Variants in COMMD2 observed in about 807,000 individuals in gnomAD.
COMMD2 encodes COMM domain containing 2, also known as COMM domain-containing protein 2.
In COMMD2, 25 loss-of-function variants were observed where a neutral mutation model predicts 22.5. That is an observed-to-expected ratio of 1.11 (90% CI 0.81 to 1.55). The LOEUF is 1.55. Ranked by LOEUF, COMMD2 falls within the 40% of genes most tolerant of loss-of-function variation. The pLI is 0.00. For missense variants in COMMD2, 223 were observed against 232.9 expected (o/e 0.96, Z 0.28); for synonymous variants, 98 against 91.2 (o/e 1.07, Z -0.42).
At chr3:149,743,488 A>T (rs896786755) in intron 4 of COMMD2, among the ~76,000 whole-genome samples, 2 of 152,208 alleles carry the variant, frequency 1.3e-5, no homozygotes, top group African/African-American at 4.8e-5. Context: ...AGATTTCAGG[A>T]TTAATTTAAT....
intron 4 of COMMD2, among the ~76,000 whole-genome samples, chr3:149,742,099 CTGATT>C (rs1401782031): frequency 6.6e-6 from 1 of 151,884 alleles, no homozygotes; most frequent in Non-Finnish European, 1.5e-5. Context: ...GTGAACTCCT[CTGATT>C]TAATAAGAAA....
intron 2 of COMMD2, chr3:149,751,737 T>A (rs1374950250): frequency 3.1e-6 from 1 of 322,974 alleles, no homozygotes; most frequent in African/African-American, 2.1e-5. Flanking sequence ...GCCCTTCTCT[T>A]GAATACGTAG....
In COMMD2 at chr3:149,739,664, A is replaced by AT. The variant is rs1716157467; in HGVS notation, c.*1856dup. ...GACAAATAAAAACCCTTACAGAGGTATTTTTTATCATATGTTTTGCAGGCA... is the reference window on the plus strand; with the variant it reads ...GACAAATAAAAACCCTTACAGAGGTATTTTTTTATCATATGTTTTGCAGGCA... On this transcript the variant is annotated 3_prime_UTR_variant, in exon 5 of 5. Coordinates refer to ENST00000473414, the MANE Select transcript of COMMD2 (RefSeq NM_016094.4). 6.6e-6 allele frequency: 1 copy of AT among 152,170 alleles called. No individual in the cohort carries two copies. The highest frequency in any genetic ancestry group is 1.5e-5 in the Non-Finnish European group (1 of 68,022). 9.4% of individuals were successfully genotyped at this position (152,170 alleles called of 1,614,324 possible).
rs1208869835 is a variant in COMMD2 at position 149,741,704 on chromosome 3, A to T, written c.417T>A (p.Ser139Arg). The T allele has an allele frequency of 3.7e-6, 6 of 1,613,438 alleles. No individual in the cohort carries two copies. Among genetic ancestry groups the T allele is most frequent in the Non-Finnish European group, 5.1e-6 (6 of 1,179,630 alleles). ...CTGCTGGTTTAATCTGTTGCCTGAG[A>T]CTTCTACTTGCAAGCTTGATTTTAA... is the stretch of plus-strand genomic sequence containing the variant. ...WRLDVQLASR[S>R]LRQQIKPAVT... The change falls in exon 5 of 5, where the codon AGT becomes AGA. Residue 139 changes from serine (S) to arginine (R), a missense_variant. By Grantham distance (110) the Ser-to-Arg change is moderately radical (BLOSUM62 -1). Coordinates refer to ENST00000473414, the MANE Select transcript of COMMD2 (RefSeq NM_016094.4).
rs1318039558 is a variant in COMMD2, at chr3:149,740,031, G to A, written c.*1490C>T. 1 of 152,156 alleles carries A rather than the reference G, an allele frequency of 6.6e-6. No individual in the cohort carries two copies. The highest frequency in any genetic ancestry group is 1.9e-4 in the East Asian group (1 of 5,194). The allele number at this position is 152,156 out of a possible 1,614,324, so 9.4% of individuals were successfully genotyped here. A position where few individuals can be genotyped will look rare whatever the true frequency, so the allele number is the denominator to read the frequency against. On this transcript the variant is annotated 3_prime_UTR_variant, in exon 5 of 5. Transcript: ENST00000473414. ...AAATCCCTAATTCTTACGAAGCAAA[G>A]TATTGACAAAGTCTAGAGCGCAGTT... is the stretch of plus-strand genomic sequence containing the variant.
In COMMD2 at chr3:149,740,736, C is replaced by T. The variant is rs1200223051; in HGVS notation, c.*785G>A. The stretch of plus-strand genomic sequence containing the variant: ...AAAATACTGAACTGTTTAGAAAATT[C>T]TGCATAGTAGTAGTATTACATTGTG... On this transcript the variant is annotated 3_prime_UTR_variant, in exon 5 of 5. Coordinates refer to ENST00000473414, the MANE Select transcript of COMMD2 (RefSeq NM_016094.4). 6.6e-6 allele frequency: 1 copy of T among 152,058 alleles called. No homozygotes were observed. The highest frequency in any genetic ancestry group is 1.5e-5 in the Non-Finnish European group (1 of 68,004). The allele number at this position is 152,058 out of a possible 1,614,324, so 9.4% of individuals were successfully genotyped here.
intron 4 of COMMD2, among the ~76,000 whole-genome samples, chr3:149,749,533 T>C (rs1716471294): frequency 6.6e-6 from 1 of 152,184 alleles, no homozygotes; most frequent in South Asian, 2.1e-4. Context: ...AATCTCTGGG[T>C]ATAACACACA....
intron 4 of COMMD2, among the ~76,000 whole-genome samples, chr3:149,746,921 G>A (rs1255059613): frequency 6.6e-6 from 1 of 152,334 alleles, no homozygotes; most frequent in East Asian, 1.9e-4. Context: ...AACGCCAGAT[G>A]AAGGAGGAAG....
chr3:149,749,196 G>A (rs748406188), intron 4 of COMMD2, among the ~76,000 whole-genome samples: 1 of 152,020 alleles, frequency 6.6e-6, no homozygotes, highest in Non-Finnish European at 1.5e-5. Context: ...TGTATTTTTG[G>A]TAAAGACAGG....
At chr3:149,741,800 T>A in intron 4 of COMMD2, 82 bp from the exon 5 acceptor site, 1 of 1,091,344 alleles carries the variant, frequency 9.2e-7, no homozygotes, top group African/African-American at 1.6e-5. Context: ...TCTTAAACCA[T>A]ACACAAAAAT....
In COMMD2 at chr3:149,741,387, G is replaced by C; in HGVS notation, c.*134C>G. 1.3e-6 allele frequency: 1 copy of C among 759,376 alleles called. No homozygotes were observed. The highest frequency in any genetic ancestry group is 2.1e-6 in the Non-Finnish European group (1 of 467,890). The allele number at this position is 759,376 out of a possible 1,614,324, so 47.0% of individuals were successfully genotyped here. A position where few individuals can be genotyped will look rare whatever the true frequency, so the allele number is the denominator to read the frequency against. On this transcript the variant is annotated 3_prime_UTR_variant, in exon 5 of 5. Transcript: ENST00000473414. ...AGCTTAGCTTCTGATTATGACCTCA[G>C]TATCTTGGAATAGATACTGAGGAAT...
chr3:149,748,960 C>T (rs1402408458), intron 4 of COMMD2, among the ~76,000 whole-genome samples: 4 of 151,840 alleles, frequency 2.6e-5, no homozygotes, highest in African/African-American at 7.3e-5. Flanking sequence ...ATTCTCTGCC[C>T]AAGGGTGCTA....
Position 149,741,391 on chromosome 3 carries a change from C to A in COMMD2, c.*130G>T. The A allele has an allele frequency of 1.3e-6, 1 of 777,674 alleles. No homozygotes were observed. The highest frequency in any genetic ancestry group is 1.7e-5 in the South Asian group (1 of 58,140). The allele number at this position is 777,674 out of a possible 1,614,324, so 48.2% of individuals were successfully genotyped here. A position where few individuals can be genotyped will look rare whatever the true frequency, so the allele number is the denominator to read the frequency against. ...TAGCTTCTGATTATGACCTCAGTAT[C>A]TTGGAATAGATACTGAGGAATACTA... On this transcript the variant is annotated 3_prime_UTR_variant, in exon 5 of 5. Transcript: ENST00000473414.
At chr3:149,743,823 G>A (rs1716297726) in intron 4 of COMMD2, among the ~76,000 whole-genome samples, 1 of 152,164 alleles carries the variant, frequency 6.6e-6, no homozygotes, top group Non-Finnish European at 1.5e-5. Flanking sequence ...CACTGACAGA[G>A]AGAGACTGCA....
chr3:149,746,591 G>A (rs910116161), intron 4 of COMMD2, among the ~76,000 whole-genome samples: 5 of 146,176 alleles, frequency 3.4e-5, no homozygotes, highest in African/African-American at 1.3e-4. Flanking sequence ...CTAACAGGGT[G>A]AAACCCTGTC....
At chr3:149,743,682 A>G (rs1716294661) in intron 4 of COMMD2, among the ~76,000 whole-genome samples, 1 of 152,218 alleles carries the variant, frequency 6.6e-6, no homozygotes, top group South Asian at 2.1e-4. Context: ...CTTGCAGGCT[A>G]AAGTACCAGT....
intron 4 of COMMD2, among the ~76,000 whole-genome samples, chr3:149,743,282 G>C (rs1323798126): frequency 6.6e-6 from 1 of 152,072 alleles, no homozygotes; most frequent in Non-Finnish European, 1.5e-5. Context: ...TCAATCTTTA[G>C]ATTCTCCATT....
intron 4 of COMMD2, 27 bp downstream of exon 4, chr3:149,750,651 G>T (rs1454872571): frequency 1.4e-6 from 2 of 1,451,194 alleles, no homozygotes; most frequent in Non-Finnish European, 1.9e-6. Flanking sequence ...TATATTCTAT[G>T]TTAAGTTAAT....
chr3:149,746,171 CTTCT>C (rs1410100284), intron 4 of COMMD2, among the ~76,000 whole-genome samples: 1 of 152,124 alleles, frequency 6.6e-6, no homozygotes, highest in Non-Finnish European at 1.5e-5. Flanking sequence ...TGCTGCCTGA[CTTCT>C]AATTTTTCAA....
Sources: gnomAD v4.1 joint callset for allele counts (sites outside exome capture counted in the v4.1 genomes callset) on GRCh38, gnomAD v4.1.1 for gene constraint, MANE v1.5 for transcripts, NCBI Gene and HGNC (gene_info 2026-07-23, HGNC 2026-07-21) for gene names.